RBFOX1: variants seen among roughly 807,000 people sequenced by gnomAD.
The protein encoded by RBFOX1 is RNA binding fox-1 homolog 1.
Under a neutral mutation model 57.7 loss-of-function variants are expected in RBFOX1, and 8 were observed. That is an observed-to-expected ratio of 0.14 (90% CI 0.08 to 0.25). The LOEUF (loss-of-function observed/expected upper bound fraction) is 0.25, where lower values mean the gene tolerates loss of function less well. RBFOX1 is among the 10% of genes least tolerant of loss of function. The pLI is 1.00. For missense variants in RBFOX1, 611 were observed against 548.5 expected, an observed-to-expected ratio of 1.11 and a Z score of -1.14; for synonymous variants, 326 against 222.4, an observed-to-expected ratio of 1.47 and a Z score of -4.15.
chr16:5,524,325 C>A (rs117440508), intron 2 of RBFOX1, among the ~76,000 whole-genome samples: 4,465 of 152,214 alleles, frequency 0.029, 86 homozygotes, highest in Middle Eastern at 0.044. Context: ...CCCATTCAAC[C>A]TTTATTCTTT....
intron 3 of RBFOX1, among the ~76,000 whole-genome samples, chr16:6,853,086 G>T (rs1206637961): frequency 3.3e-5 from 5 of 152,142 alleles, no homozygotes; most frequent in Non-Finnish European, 5.9e-5. Context: ...CCTTCACACA[G>T]TTCTATCCCT....
intron 3 of RBFOX1, among the ~76,000 whole-genome samples, chr16:5,689,153 C>T (rs1279023160): frequency 6.6e-6 from 1 of 152,176 alleles, no homozygotes; most frequent in Non-Finnish European, 1.5e-5. Context: ...AGGTCACGTC[C>T]AGAGAACTGG....
At chr16:6,974,037 C>G (rs1183889574) in intron 3 of RBFOX1, among the ~76,000 whole-genome samples, 1 of 152,154 alleles carries the variant, frequency 6.6e-6, no homozygotes, top group Non-Finnish European at 1.5e-5. Flanking sequence ...ATTTGGTTTT[C>G]TGTTCCTGTG....
At chr16:6,135,774 A>G (rs543834744) in intron 1 of RBFOX1, among the ~76,000 whole-genome samples, 94 of 136,168 alleles carry the variant, frequency 6.9e-4, no homozygotes, top group African/African-American at 2.5e-3. Context: ...TGGAGATGGC[A>G]CTCGTTTCGA....
At chr16:6,545,768 T>C (rs903386079) in intron 2 of RBFOX1, among the ~76,000 whole-genome samples, 30 of 152,336 alleles carry the variant, frequency 2.0e-4, no homozygotes, top group Non-Finnish European at 2.8e-4. Context: ...GCTGATGGCA[T>C]CTTTGTGAGG....
chr16:7,074,097 A>G lies in RBFOX1; in HGVS notation c.27+21999A>G, dbSNP rs1012754959. On this transcript the variant is annotated intron_variant, in intron 4 of 15. Transcript: ENST00000550418. ...GACCATATGGCCCACAGAGCCTACA[A>G]TATTTGTTTTCTGTCTCTTTTAAGG... is the stretch of plus-strand genomic sequence containing the variant. Among the ~76,000 whole-genome samples, 4 of 152,294 alleles carry G rather than the reference A, an allele frequency of 2.6e-5. No homozygotes were observed. In the South Asian group the frequency reaches 6.2e-4, roughly 24 times the overall value.
In RBFOX1 at chr16:6,793,798, T is replaced by A. The variant is rs1444977997; in HGVS notation, c.-16+139148T>A. Among the ~76,000 whole-genome samples the A allele has an allele frequency of 3.3e-5, 5 of 152,258 alleles. No homozygotes were observed. The East Asian group carries it at 9.6e-4, about 29-fold the overall frequency. On this transcript the variant is annotated intron_variant, in intron 3 of 15. Coordinates refer to ENST00000550418, the MANE Select transcript of RBFOX1 (RefSeq NM_018723.4). ...TTAGATTTATGTTGGTGTGTGGATT[T>A]GGTTGGTTGTTTCTTTGGTTAGTAG... is the stretch of plus-strand genomic sequence containing the variant.
At chr16:6,955,673 TTATTTAGGTATGTATG>T (rs1229865807) in intron 3 of RBFOX1, among the ~76,000 whole-genome samples, 1,968 of 109,802 alleles carry the variant, frequency 0.018, 35 homozygotes, top group African/African-American at 0.05. Context: ...ACCACTTTAT[TTATTTAGGTATGTATG>T]TATTTATTTA....
chr16:7,129,551 C>A (rs755055054), intron 4 of RBFOX1, among the ~76,000 whole-genome samples: 3 of 152,074 alleles, frequency 2.0e-5, no homozygotes, highest in Admixed American at 1.3e-4. Flanking sequence ...TGGAGAGACA[C>A]ATTTGCCCTA....
intron 2 of RBFOX1, among the ~76,000 whole-genome samples, chr16:6,429,529 TA>T (rs2094019001): frequency 1.3e-5 from 2 of 152,236 alleles, no homozygotes; most frequent in Non-Finnish European, 2.9e-5. Context: ...CCTTGTTCAA[TA>T]AATATTATGT....
chr16:5,445,872 T>A (rs1000635698), intron 1 of RBFOX1, among the ~76,000 whole-genome samples: 6 of 152,366 alleles, frequency 3.9e-5, no homozygotes, highest in African/African-American at 1.4e-4. Flanking sequence ...AAAACATCTT[T>A]CCTCAGGGTT....
chr16:7,161,583 C>T lies in RBFOX1; in HGVS notation c.27+109485C>T, dbSNP rs143163936. ...GTCCTTTGCTAAGGCTGTGTACCTACTAAGAATCAGATTTAATGTTTGAAT... is the reference window on the plus strand; with the variant it reads ...GTCCTTTGCTAAGGCTGTGTACCTATTAAGAATCAGATTTAATGTTTGAAT... On this transcript the variant is annotated intron_variant, in intron 4 of 15. Transcript: ENST00000550418. Among the ~76,000 whole-genome samples, 22 of 152,282 alleles carry T rather than the reference C, an allele frequency of 1.4e-4. 1 individual carries two copies. The highest frequency in any genetic ancestry group is 4.1e-4 in the African/African-American group (17 of 41,558).
intron 4 of RBFOX1, among the ~76,000 whole-genome samples, chr16:7,206,926 C>T (rs577097844): frequency 4.6e-5 from 7 of 152,136 alleles, no homozygotes; most frequent in African/African-American, 1.7e-4. Context: ...ACAGCATGGT[C>T]TGTTTCTGTT....
chr16:5,851,232 G>C (rs1296077049), intron 3 of RBFOX1, among the ~76,000 whole-genome samples: 1 of 152,208 alleles, frequency 6.6e-6, no homozygotes, highest in African/African-American at 2.4e-5. Flanking sequence ...AGAGCAGGAA[G>C]GATATCAGTG....
At chr16:7,224,675 A>G (rs1229089954) in intron 4 of RBFOX1, among the ~76,000 whole-genome samples, 1 of 152,196 alleles carries the variant, frequency 6.6e-6, no homozygotes, top group African/African-American at 2.4e-5. Context: ...AGAAAGACCA[A>G]ATAAGTGATA....
At chr16:6,464,689 T>A (rs2094999880) in intron 2 of RBFOX1, among the ~76,000 whole-genome samples, 1 of 152,246 alleles carries the variant, frequency 6.6e-6, no homozygotes, top group South Asian at 2.1e-4. Flanking sequence ...CCTAGAGTGG[T>A]CAGGTCACCT....
intron 3 of RBFOX1, among the ~76,000 whole-genome samples, chr16:5,647,030 C>G (rs1481406750): frequency 6.6e-6 from 1 of 152,122 alleles, no homozygotes; most frequent in East Asian, 1.9e-4. Flanking sequence ...AGATGCCATT[C>G]CTGTGTGAAA....
chr16:7,253,930 C>T (rs970057536), intron 4 of RBFOX1, among the ~76,000 whole-genome samples: 2 of 152,130 alleles, frequency 1.3e-5, no homozygotes, highest in African/African-American at 4.8e-5. Context: ...TAGGAGCTCT[C>T]TTGTATCTAG....
chr16:5,890,841 A>T (rs905729572), intron 4 of RBFOX1, among the ~76,000 whole-genome samples: 2 of 152,162 alleles, frequency 1.3e-5, no homozygotes, highest in African/African-American at 4.8e-5. Flanking sequence ...CATTCACCCA[A>T]CATTGTGTCT....
Sources: gnomAD v4.1 joint callset for allele counts (sites outside exome capture counted in the v4.1 genomes callset) on GRCh38, gnomAD v4.1.1 for gene constraint, MANE v1.5 for transcripts, NCBI Gene and HGNC (gene_info 2026-07-23, HGNC 2026-07-21) for gene names.